Variants in UBXN2A observed in about 807,000 individuals in gnomAD.
UBXN2A encodes the protein UBX domain-containing protein 2A.
A neutral mutation model predicts 28.4 loss-of-function variants in UBXN2A; 28 were observed. The observed-to-expected ratio is 0.99, with a 90% confidence interval of 0.73 to 1.35. The LOEUF (loss-of-function observed/expected upper bound fraction) is 1.35, where lower values mean the gene tolerates loss of function less well. Among genes scored for constraint, UBXN2A ranks in the 40% most tolerant of loss-of-function variants. The pLI, the probability that UBXN2A is intolerant of heterozygous loss-of-function variation, is 0.00. For synonymous variants in UBXN2A, 97 were observed against 103.6 expected, an observed-to-expected ratio of 0.94 and a Z score of 0.39; for missense variants, 253 against 297.9, an observed-to-expected ratio of 0.85 and a Z score of 1.11.
chr2:23,982,358 C>T (rs1707946523), intron 4 of UBXN2A, among the ~76,000 whole-genome samples: 1 of 151,498 alleles, frequency 6.6e-6, no homozygotes, highest in Admixed American at 6.6e-5. Flanking sequence ...CAGAGCAAGA[C>T]TCCGTCTCAA....
upstream of UBXN2A, among the ~76,000 whole-genome samples, chr2:23,939,838 G>A (rs1450358925): frequency 6.6e-6 from 1 of 152,178 alleles, no homozygotes; most frequent in Non-Finnish European, 1.5e-5. Context: ...GGCCGGGCGC[G>A]GTGGCTCACG....
intron 2 of UBXN2A, among the ~76,000 whole-genome samples, chr2:23,968,721 T>C (rs1368156144): frequency 6.6e-6 from 1 of 150,960 alleles, no homozygotes; most frequent in African/African-American, 2.4e-5. Flanking sequence ...TGGCACAGTA[T>C]AAGAGGTATA....
At chr2:23,963,735 G>A (rs571595804) in intron 2 of UBXN2A, among the ~76,000 whole-genome samples, 153 of 152,172 alleles carry the variant, frequency 1.0e-3, no homozygotes, top group Non-Finnish European at 1.7e-3. Flanking sequence ...AAACAGTATG[G>A]CGATTCCTCA....
intron 1 of UBXN2A, among the ~76,000 whole-genome samples, chr2:23,957,354 G>A (rs1706676878): frequency 6.6e-6 from 1 of 152,054 alleles, no homozygotes; most frequent in East Asian, 1.9e-4. Flanking sequence ...CCAGGCTGGA[G>A]TGCAGTGGTG....
chr2:23,985,624 A>G (rs1397110202), intron 6 of UBXN2A, among the ~76,000 whole-genome samples: 3 of 144,528 alleles, frequency 2.1e-5, no homozygotes, highest in Non-Finnish European at 4.6e-5. Context: ...TTTTGAGGCA[A>G]GGTCTCACTC....
chr2:23,978,874 A>T (rs1050998901), intron 4 of UBXN2A, among the ~76,000 whole-genome samples: 3 of 151,186 alleles, frequency 2.0e-5, no homozygotes, highest in African/African-American at 7.3e-5. Context: ...GAGGCAGGAG[A>T]ATTGCTTGAA....
At chr2:23,940,217 TTC>T (rs1460765642), upstream of UBXN2A, among the ~76,000 whole-genome samples, 2 of 151,992 alleles carry the variant, frequency 1.3e-5, no homozygotes, top group Non-Finnish European at 2.9e-5. Context: ...TCTCCATGGT[TTC>T]TGAGGCTGAG....
chr2:23,959,970 C>T (rs1206587548), intron 2 of UBXN2A, among the ~76,000 whole-genome samples: 1 of 151,842 alleles, frequency 6.6e-6, no homozygotes, highest in East Asian at 1.9e-4. Flanking sequence ...TTTGCAGGTG[C>T]GGCCGGGCGC....
At chr2:23,965,717 T>C (rs2150853260) in intron 2 of UBXN2A, among the ~76,000 whole-genome samples, 1 of 152,332 alleles carries the variant, frequency 6.6e-6, no homozygotes, top group South Asian at 2.1e-4. Flanking sequence ...AGCATAGTGT[T>C]ATCCTCGTAG....
intron 1 of UBXN2A, among the ~76,000 whole-genome samples, chr2:23,945,522 A>G (rs981101560): frequency 6.6e-6 from 1 of 152,194 alleles, no homozygotes; most frequent in African/African-American, 2.4e-5. Flanking sequence ...TCCATAGAAG[A>G]TCTAAGTAAA....
chr2:23,952,247 G>A (rs1196837890), intron 1 of UBXN2A, among the ~76,000 whole-genome samples: 3 of 151,928 alleles, frequency 2.0e-5, no homozygotes, highest in Non-Finnish European at 2.9e-5. Context: ...GATTACAGGC[G>A]TGAGCCATCA....
intron 1 of UBXN2A, chr2:23,944,493 A>G: frequency 4.7e-6 from 3 of 633,426 alleles, no homozygotes; most frequent in Non-Finnish European, 8.9e-6. Flanking sequence ...TTGGAACAGT[A>G]CAGTACCTTG....
intron 6 of UBXN2A, among the ~76,000 whole-genome samples, chr2:23,985,043 GC>G (rs911009076): frequency 6.6e-6 from 1 of 151,938 alleles, no homozygotes; most frequent in Non-Finnish European, 1.5e-5. Context: ...TAGAACTACA[GC>G]CACATGCCAC....
chr2:23,976,296 G>A (rs930076591), intron 3 of UBXN2A, among the ~76,000 whole-genome samples: 1 of 152,118 alleles, frequency 6.6e-6, no homozygotes, highest in Non-Finnish European at 1.5e-5. Flanking sequence ...ATTGGTTGTC[G>A]ACTAGGGGAG....
intron 6 of UBXN2A, among the ~76,000 whole-genome samples, chr2:23,992,714 C>T (rs1708397286): frequency 6.6e-6 from 1 of 152,180 alleles, no homozygotes; most frequent in African/African-American, 2.4e-5. Flanking sequence ...TCACATGTCT[C>T]TCTCAATCCT....
intron 1 of UBXN2A, among the ~76,000 whole-genome samples, chr2:23,946,210 G>A (rs1237924919): frequency 6.6e-6 from 1 of 152,076 alleles, no homozygotes; most frequent in Non-Finnish European, 1.5e-5. Flanking sequence ...CTGGAGTGCA[G>A]TAGTGCAATC....
chr2:23,990,259 G>T (rs1708304096), intron 6 of UBXN2A, among the ~76,000 whole-genome samples: 1 of 151,356 alleles, frequency 6.6e-6, no homozygotes, highest in Non-Finnish European at 1.5e-5. Context: ...TGACATTCTG[G>T]GCTGCCTCTA....
At chr2:23,946,025 T>A (rs1706060300) in intron 1 of UBXN2A, among the ~76,000 whole-genome samples, 1 of 152,006 alleles carries the variant, frequency 6.6e-6, no homozygotes, top group South Asian at 2.1e-4. Context: ...AGGCACAGGG[T>A]TTTGCCAGGT....
intron 1 of UBXN2A, among the ~76,000 whole-genome samples, chr2:23,931,853 A>T (rs1705377073): frequency 6.6e-6 from 1 of 152,080 alleles, no homozygotes; most frequent in Non-Finnish European, 1.5e-5. Context: ...TCTACTACAG[A>T]TACAAAAATT....
Sources: allele counts gnomAD v4.1 joint callset (sites outside exome capture counted in the v4.1 genomes callset), GRCh38; gene constraint gnomAD v4.1.1; transcripts MANE v1.5; gene names NCBI Gene and HGNC (gene_info 2026-07-23, HGNC 2026-07-21).